The following R3HDM1 variants were observed in gnomAD, a reference collection of about 807,000 sequenced individuals.
R3HDM1 encodes the protein R3H domain-containing protein 1.
A neutral mutation model predicts 141.1 loss-of-function variants in R3HDM1; 46 were observed. The ratio of observed to expected loss-of-function variants is 0.33; its 90% CI spans 0.26 to 0.42. R3HDM1 has a LOEUF of 0.42. R3HDM1 is among the 10% of genes least tolerant of loss of function. R3HDM1 has a pLI of 1.00. For synonymous variants in R3HDM1, 435 were observed against 472.9 expected, an observed-to-expected ratio of 0.92 and a Z score of 1.04; for missense variants, 1,184 against 1,368.3, an observed-to-expected ratio of 0.87 and a Z score of 2.12.
At chr2:135,565,283 A>T (rs762648228) in intron 1 of R3HDM1, among the ~76,000 whole-genome samples, 1 of 151,096 alleles carries the variant, frequency 6.6e-6, no homozygotes. Flanking sequence ...CCCTCCTTGC[A>T]CTTGGCAAAA....
At chr2:135,627,707 A>C (rs888992887) in intron 7 of R3HDM1, among the ~76,000 whole-genome samples, 1 of 152,096 alleles carries the variant, frequency 6.6e-6, no homozygotes, top group African/African-American at 2.4e-5. Context: ...TGCTCTAGGG[A>C]ACGTCACGTA....
At chr2:135,648,786 A>AC (rs907966802) in intron 16 of R3HDM1, among the ~76,000 whole-genome samples, 7 of 151,726 alleles carry the variant, frequency 4.6e-5, no homozygotes, top group African/African-American at 7.3e-5. Context: ...TAAAAAAAAA[A>AC]AAAAAAACAC....
At position 135,531,636 on chromosome 2, in the gene R3HDM1, A is replaced by G; in HGVS notation, c.-250+3A>G. On this transcript the variant is annotated splice_donor_region_variant and intron_variant, in intron 1 of 26. Transcript: ENST00000683871. The stretch of plus-strand genomic sequence containing the variant: ...CCTCCTCCTCCTCAGTAACGCGGGT[A>G]AGAGATGCCCTTCCCTCCCCCGTCC... 1.0e-6 allele frequency: 1 copy of G among 986,508 alleles called. No homozygotes were observed. The highest frequency in any genetic ancestry group is 1.2e-6 in the Non-Finnish European group (1 of 830,464). The allele number at this position is 986,508 out of a possible 1,614,324, so 61.1% of individuals were successfully genotyped here.
At chr2:135,676,524 G>A (rs1028825485) in intron 20 of R3HDM1, among the ~76,000 whole-genome samples, 1 of 151,992 alleles carries the variant, frequency 6.6e-6, no homozygotes, top group Non-Finnish European at 1.5e-5. Context: ...AGAACTCCAG[G>A]CCAGGGCCAG....
intron 18 of R3HDM1, among the ~76,000 whole-genome samples, chr2:135,657,088 T>C (rs2066002117): frequency 6.7e-6 from 1 of 148,542 alleles, no homozygotes; most frequent in Non-Finnish European, 1.5e-5. Context: ...AGAGCAAGAT[T>C]CCATCTCAAT....
chr2:135,611,416 T>C (rs1042688539), intron 3 of R3HDM1, among the ~76,000 whole-genome samples: 2 of 152,082 alleles, frequency 1.3e-5, no homozygotes, highest in Non-Finnish European at 2.9e-5. Flanking sequence ...AAAAAAGATA[T>C]ATGTAATGTA....
intron 21 of R3HDM1, among the ~76,000 whole-genome samples, chr2:135,700,914 AGT>A (rs1387832914): frequency 5.9e-5 from 9 of 152,212 alleles, no homozygotes; most frequent in African/African-American, 2.2e-4. Flanking sequence ...AGGATCTCCC[AGT>A]GAATGCCTGA....
intron 21 of R3HDM1, among the ~76,000 whole-genome samples, chr2:135,698,149 T>C (rs527559313): frequency 5.0e-4 from 76 of 151,304 alleles, no homozygotes; most frequent in Middle Eastern, 6.9e-3. Context: ...GGGATACTTC[T>C]TTTTTTTCTT....
At chr2:135,693,214 T>G (rs746718770) in intron 21 of R3HDM1, among the ~76,000 whole-genome samples, 2 of 152,154 alleles carry the variant, frequency 1.3e-5, no homozygotes, top group African/African-American at 2.4e-5. Flanking sequence ...GGGTTCAAAG[T>G]TAGTGTTCTT....
chr2:135,634,781 A>G (rs549292647), intron 9 of R3HDM1, among the ~76,000 whole-genome samples: 1 of 152,358 alleles, frequency 6.6e-6, no homozygotes. Flanking sequence ...TTGAACTATA[A>G]AAACTACCTA....
At chr2:135,636,044 A>T in intron 10 of R3HDM1, 44 bp from the exon 11 acceptor site, 1 of 1,610,988 alleles carries the variant, frequency 6.2e-7, no homozygotes, top group Non-Finnish European at 8.5e-7. Flanking sequence ...AAGACATACT[A>T]TACCAGTAGT....
chr2:135,690,659 T>C (rs2072219302), intron 21 of R3HDM1, among the ~76,000 whole-genome samples: 6 of 152,196 alleles, frequency 3.9e-5, no homozygotes, highest in Admixed American at 3.9e-4. Flanking sequence ...CTTTCACTGC[T>C]AAAACATTGC....
chr2:135,724,682 G>A lies in R3HDM1; in HGVS notation c.*390G>A, dbSNP rs1339380294. ...TTTCTTTTTGCAGCCAGCACAATGTGACCCAACTTAAAATTTGGGGGAAAA... is the reference window on the plus strand; with the variant it reads ...TTTCTTTTTGCAGCCAGCACAATGTAACCCAACTTAAAATTTGGGGGAAAA... On this transcript the variant is annotated 3_prime_UTR_variant, in exon 27 of 27. Transcript: ENST00000683871. 1.3e-5 allele frequency: 2 copies of A among 158,168 alleles called. No homozygotes were observed. Among genetic ancestry groups the A allele is most frequent in the African/African-American group, 4.8e-5 (2 of 41,616 alleles). 9.8% of individuals were successfully genotyped at this position (158,168 alleles called of 1,614,324 possible).
chr2:135,642,547 T>C (rs1452873816), intron 15 of R3HDM1, among the ~76,000 whole-genome samples: 1 of 152,196 alleles, frequency 6.6e-6, no homozygotes, highest in Non-Finnish European at 1.5e-5. Context: ...AAAAATGATC[T>C]TGTAAAAGAT....
At chr2:135,642,796 T>A (rs2063941076) in intron 15 of R3HDM1, among the ~76,000 whole-genome samples, 1 of 152,196 alleles carries the variant, frequency 6.6e-6, no homozygotes, top group Non-Finnish European at 1.5e-5. Context: ...CTTTCAGGTT[T>A]TATTCACATC....
At chr2:135,548,228 T>A (rs188789859) in intron 1 of R3HDM1, among the ~76,000 whole-genome samples, 1 of 152,216 alleles carries the variant, frequency 6.6e-6, no homozygotes, top group Non-Finnish European at 1.5e-5. Flanking sequence ...TATTTTGAAA[T>A]TTTCCAAACG....
rs1189730038 is a variant in R3HDM1, at chr2:135,721,939, C to T, written c.2897C>T (p.Pro966Leu). ...TGACTTTCAGGAGATTCCAGGTATC[C>T]ATTACTTGGCCAGCCACTGCAGTAC... ...FVPGQGDSRY[P>L]LLGQPLQYNP... is the part of the protein sequence containing the mutation. Residue 966 changes from proline to leucine, a missense_variant, in exon 25 of 27, where the codon CCA becomes CTA. Transcript: ENST00000683871. 1 of 1,613,322 alleles carries T rather than the reference C, an allele frequency of 6.2e-7. No individual in the cohort carries two copies. The highest frequency in any genetic ancestry group is 8.5e-7 in the Non-Finnish European group (1 of 1,179,382).
At chr2:135,577,414 CAAAAA>C (rs35038268) in intron 1 of R3HDM1, among the ~76,000 whole-genome samples, 628 of 15,708 alleles carry the variant, frequency 0.04, 4 homozygotes, top group African/African-American at 0.093. Context: ...ATTAAATGAC[CAAAAA>C]AAAAAAAAAA....
chr2:135,680,474 A>G, intron 21 of R3HDM1, 150 bp downstream of exon 21: 1 of 943,342 alleles, frequency 1.1e-6, no homozygotes, highest in Non-Finnish European at 1.5e-6. Flanking sequence ...TATACTTTTT[A>G]ACATATTTCT....
Sources: allele counts gnomAD v4.1 joint callset (sites outside exome capture counted in the v4.1 genomes callset), GRCh38; gene constraint gnomAD v4.1.1; transcripts MANE v1.5; gene names NCBI Gene and HGNC (gene_info 2026-07-23, HGNC 2026-07-21).